ATP2B2: variants seen among roughly 807,000 people sequenced by gnomAD.
ATP2B2 encodes the protein ATPase plasma membrane Ca2+ transporting 2.
Under a neutral mutation model 120.0 loss-of-function variants are expected in ATP2B2, and 15 were observed. The ratio of observed to expected loss-of-function variants is 0.12; its 90% CI spans 0.08 to 0.19. The LOEUF (loss-of-function observed/expected upper bound fraction) is 0.19, where lower values mean the gene tolerates loss of function less well. ATP2B2 is among the 10% of genes least tolerant of loss of function. ATP2B2 has a pLI of 1.00. For synonymous variants in ATP2B2, 694 were observed against 700.3 expected (o/e 0.99, Z 0.14); for missense variants, 1,045 against 1,719.8 (o/e 0.61, Z 6.94).
At chr3:10,654,739 G>C (rs1348257194) in intron 1 of ATP2B2, among the ~76,000 whole-genome samples, 1 of 151,522 alleles carries the variant, frequency 6.6e-6, no homozygotes, top group Non-Finnish European at 1.5e-5. Flanking sequence ...TCTCCATAGG[G>C]GAGTGGTCCT....
chr3:10,587,599 C>A (rs912948831), intron 2 of ATP2B2, among the ~76,000 whole-genome samples: 1 of 152,108 alleles, frequency 6.6e-6, no homozygotes, highest in Admixed American at 6.5e-5. Flanking sequence ...AGGCTGATCT[C>A]GAACACTTGA....
intron 1 of ATP2B2, among the ~76,000 whole-genome samples, chr3:10,702,508 C>T (rs889861719): frequency 6.6e-6 from 1 of 152,152 alleles, no homozygotes. Context: ...AATTAGAAAG[C>T]ACTGACTCGT....
chr3:10,671,412 C>T (rs956287192), intron 1 of ATP2B2, among the ~76,000 whole-genome samples: 3 of 152,128 alleles, frequency 2.0e-5, no homozygotes, highest in African/African-American at 7.2e-5. Context: ...AGATCATGTG[C>T]GGCCCTTGTC....
chr3:10,627,790 C>G (rs1302913760), intron 1 of ATP2B2, among the ~76,000 whole-genome samples: 2 of 152,176 alleles, frequency 1.3e-5, no homozygotes, highest in Non-Finnish European at 2.9e-5. Flanking sequence ...TAAGGTAGAC[C>G]CAGTGTCTGA....
intron 2 of ATP2B2, among the ~76,000 whole-genome samples, chr3:10,609,409 C>G (rs543012446): frequency 2.0e-5 from 3 of 152,238 alleles, no homozygotes; most frequent in Non-Finnish European, 4.4e-5. Context: ...CTCCCGGCAT[C>G]GATCAGCCCT....
In ATP2B2 at chr3:10,378,406, T is replaced by C. The variant is rs1478323374; in HGVS notation, c.1047A>G (p.Lys349=). 2.6e-5 allele frequency: 42 copies of C among 1,600,844 alleles called. No individual in the cohort carries two copies. The highest frequency in any genetic ancestry group is 3.5e-5 in the Non-Finnish European group (41 of 1,179,962). The change falls in exon 10 of 23, where the codon AAA becomes AAG. Residue 349 remains lysine, a synonymous_variant. Transcript: ENST00000360273. ...CCATGGCGGCTGCCCCGTCCTGTTG[T>C]TTGGCTGCAGGGGGCAGATCACGCA... is the stretch of plus-strand genomic sequence containing the variant. ...GNVDASQSKA[K]QQDGAAAMEM... is the part of the protein sequence containing the mutation.
In ATP2B2 at chr3:10,647,412, C is replaced by T. The variant is rs565370795; in HGVS notation, c.-459-27451G>A. Among the ~76,000 whole-genome samples the T allele has an allele frequency of 3.1e-4, 47 of 152,284 alleles. 1 individual carries two copies. The highest frequency in any genetic ancestry group is 1.1e-3 in the African/African-American group (46 of 41,560). The stretch of plus-strand genomic sequence containing the variant: ...TTATTTTGTTCGGTTTTTCTTCTCT[C>T]GCTTCCCCTAAGCATCTAGGTTCAA... On this transcript the variant is annotated intron_variant, in intron 1 of 21. Transcript: ENST00000646379.
intron 2 of ATP2B2, 143 bp downstream of exon 2, chr3:10,449,202 G>T: frequency 1.0e-6 from 1 of 961,296 alleles, no homozygotes; most frequent in Non-Finnish European, 1.6e-6. Flanking sequence ...TACTCAGCTA[G>T]AATGCACTAC....
intron 1 of ATP2B2, among the ~76,000 whole-genome samples, chr3:10,683,699 T>G: frequency 6.8e-6 from 1 of 146,488 alleles, no homozygotes. Flanking sequence ...CACATATGTA[T>G]ATGTATATAT....
At chr3:10,465,723 A>G (rs2064707611) in intron 1 of ATP2B2, among the ~76,000 whole-genome samples, 2 of 151,922 alleles carry the variant, frequency 1.3e-5, no homozygotes, top group African/African-American at 4.8e-5. Context: ...ACTACTTCTG[A>G]CTCCTTGTTA....
intron 3 of ATP2B2, among the ~76,000 whole-genome samples, chr3:10,522,307 CCT>C (rs1170646326): frequency 3.9e-5 from 6 of 152,066 alleles, no homozygotes; most frequent in Admixed American, 3.9e-4. Context: ...ATAATAACCC[CCT>C]GTGTGAGGCT....
intron 2 of ATP2B2, among the ~76,000 whole-genome samples, chr3:10,578,331 A>G (rs2068300952): frequency 6.6e-6 from 1 of 151,856 alleles, no homozygotes; most frequent in Non-Finnish European, 1.5e-5. Flanking sequence ...ATAAAAATAT[A>G]TAGGAGATCG....
intron 3 of ATP2B2, among the ~76,000 whole-genome samples, chr3:10,513,940 G>A (rs2066827078): frequency 1.3e-5 from 2 of 152,258 alleles, no homozygotes; most frequent in South Asian, 2.1e-4. Context: ...ATGCAGAGAC[G>A]GAAGAGGGGA....
chr3:10,548,997 C>T (rs1287065648), intron 2 of ATP2B2, among the ~76,000 whole-genome samples: 4 of 152,188 alleles, frequency 2.6e-5, no homozygotes, highest in Non-Finnish European at 5.9e-5. Context: ...TATTCAAAGA[C>T]TTTTTATTGA....
At chr3:10,699,353 G>A (rs1271299697) in intron 1 of ATP2B2, among the ~76,000 whole-genome samples, 2 of 152,108 alleles carry the variant, frequency 1.3e-5, no homozygotes, top group African/African-American at 4.8e-5. Context: ...AGTAAATCAT[G>A]GCAAAGCCAC....
At chr3:10,585,010 C>G (rs28631492) in intron 2 of ATP2B2, among the ~76,000 whole-genome samples, 3,003 of 152,220 alleles carry the variant, frequency 0.02, 83 homozygotes, top group African/African-American at 0.068. Context: ...AATTGGATCT[C>G]TTCCTCCTCC....
At chr3:10,619,632 G>A (rs1041380118) in intron 2 of ATP2B2, among the ~76,000 whole-genome samples, 5 of 152,174 alleles carry the variant, frequency 3.3e-5, no homozygotes, top group African/African-American at 9.7e-5. Flanking sequence ...GGCGGTCACC[G>A]GCTGGAAATA....
In ATP2B2 at chr3:10,385,332, A is replaced by G; in HGVS notation, c.941-5T>C. The stretch of plus-strand genomic sequence containing the variant: ...AAGCTGCCGCACCGTCTGCTGCTGC[A>G]GGGGGGTGGGAGGGATGGAAAATGC... On this transcript the variant is annotated splice_region_variant and splice_polypyrimidine_tract_variant and intron_variant, in intron 7 of 22. Transcript: ENST00000360273. The G allele has an allele frequency of 6.2e-7, 1 of 1,612,784 alleles. No homozygotes were observed.
chr3:10,616,141 G>C (rs990370571), intron 2 of ATP2B2, among the ~76,000 whole-genome samples: 1 of 152,182 alleles, frequency 6.6e-6, no homozygotes. Context: ...AGCTGTCCCT[G>C]TTACAGCCTG....
Sources: allele counts gnomAD v4.1 joint callset (sites outside exome capture counted in the v4.1 genomes callset), GRCh38; gene constraint gnomAD v4.1.1; transcripts MANE v1.5; gene names NCBI Gene and HGNC (gene_info 2026-07-23, HGNC 2026-07-21).